The following ADAMTSL3 variants were observed in gnomAD, a reference collection of about 807,000 sequenced individuals.
The protein encoded by ADAMTSL3 is ADAMTS-like protein 3.
In ADAMTSL3, 128 loss-of-function variants were observed where a neutral mutation model predicts 201.7. The observed-to-expected ratio is 0.63, with a 90% CI of 0.55 to 0.73. The LOEUF is 0.73. ADAMTSL3 is among the 30% of genes least tolerant of loss of function. ADAMTSL3 has a pLI of 0.00. For missense variants in ADAMTSL3, 1,990 were observed against 2,119.6 expected, an observed-to-expected ratio of 0.94 and a Z score of 1.20; for synonymous variants, 738 against 748.4, an observed-to-expected ratio of 0.99 and a Z score of 0.23.
At chr15:83,963,764 C>T (rs2067023064) in intron 19 of ADAMTSL3, among the ~76,000 whole-genome samples, 1 of 152,196 alleles carries the variant, frequency 6.6e-6, no homozygotes. Flanking sequence ...AGAGTTCTGG[C>T]TGGCATCTGG....
intron 20 of ADAMTSL3, among the ~76,000 whole-genome samples, chr15:83,975,649 G>A (rs1352700604): frequency 6.6e-6 from 1 of 152,194 alleles, no homozygotes; most frequent in Non-Finnish European, 1.5e-5. Context: ...GAACTCTTGA[G>A]CAGACTTCTG....
intron 19 of ADAMTSL3, among the ~76,000 whole-genome samples, chr15:83,954,895 T>A (rs554628425): frequency 6.6e-6 from 1 of 152,244 alleles, no homozygotes; most frequent in South Asian, 2.1e-4. Flanking sequence ...GGGATTGGGG[T>A]GATGCAAGCA....
rs1004237475 is a variant in ADAMTSL3 at position 83,773,563 on chromosome 15, A to G, written c.230A>G (p.Asn77Ser). 4 of 1,613,990 alleles carry G rather than the reference A, an allele frequency of 2.5e-6. No individual in the cohort carries two copies. Among genetic ancestry groups the G allele is most frequent in the Admixed American group, 1.7e-5 (1 of 60,004 alleles). ...CGTTCAGATGAAGACAAAGATGGCA[A>G]CTGGGATGCTTGGGGCGACTGGAGT... The part of the protein sequence containing the change: ...NTRSDEDKDG[N>S]WDAWGDWSDC... Residue 77 changes from asparagine (N) to serine (S), a missense_variant, in exon 4 of 30, where the codon AAC becomes AGC. By Grantham distance (46) the Asn-to-Ser change is conservative (BLOSUM62 1). Coordinates refer to ENST00000286744, the MANE Select transcript of ADAMTSL3 (RefSeq NM_207517.3).
chr15:83,888,567 A>T (rs1750008795), intron 10 of ADAMTSL3, among the ~76,000 whole-genome samples: 1 of 152,212 alleles, frequency 6.6e-6, no homozygotes, highest in African/African-American at 2.4e-5. Context: ...TTTTTTGGAT[A>T]ATCAAGAAAA....
intron 4 of ADAMTSL3, among the ~76,000 whole-genome samples, chr15:83,779,983 G>A (rs1188072272): frequency 6.6e-6 from 1 of 152,148 alleles, no homozygotes; most frequent in Non-Finnish European, 1.5e-5. Context: ...AAGTTAGAAA[G>A]ATCTCAATTT....
intron 8 of ADAMTSL3, among the ~76,000 whole-genome samples, chr15:83,869,720 C>T (rs976491079): frequency 1.3e-5 from 2 of 152,254 alleles, no homozygotes; most frequent in East Asian, 3.9e-4. Context: ...TGACACTCAA[C>T]GGAGTTTTGG....
In ADAMTSL3 at chr15:83,870,879, A is replaced by G; in HGVS notation, c.880A>G (p.Thr294Ala). Residue 294 changes from threonine (T) to alanine (A), a missense_variant, in exon 9 of 30, where the codon ACA becomes GCA. Coordinates refer to ENST00000286744, the MANE Select transcript of ADAMTSL3 (RefSeq NM_207517.3). ...NSPGVFLVEN[T>A]TVEFQRGSER... ...CCCCGGCGTCTTTCTCGTAGAAAAC[A>G]CAACAGTGGAATTTCAGAGGGGCTC... 2 of 1,613,526 alleles carry G rather than the reference A, an allele frequency of 1.2e-6. No homozygotes were observed. Among genetic ancestry groups the G allele is most frequent in the Non-Finnish European group, 1.7e-6 (2 of 1,179,764 alleles).
chr15:83,879,023 A>C (rs1039785221), intron 9 of ADAMTSL3, among the ~76,000 whole-genome samples: 39 of 152,252 alleles, frequency 2.6e-4, no homozygotes, highest in African/African-American at 7.5e-4. Flanking sequence ...GTCTATTTCA[A>C]CTAACTTTTA....
At chr15:83,842,816 G>T (rs1428272700) in intron 7 of ADAMTSL3, among the ~76,000 whole-genome samples, 2 of 152,224 alleles carry the variant, frequency 1.3e-5, no homozygotes, top group African/African-American at 4.8e-5. Flanking sequence ...AAGGGAGAAA[G>T]ACAATAGCCA....
chr15:83,709,362 T>C (rs955747300), intron 3 of ADAMTSL3, among the ~76,000 whole-genome samples: 1 of 152,168 alleles, frequency 6.6e-6, no homozygotes, highest in African/African-American at 2.4e-5. Flanking sequence ...CTAGAATGTA[T>C]TAGTTTGGGA....
chr15:83,952,022 T>C (rs2066768059), intron 19 of ADAMTSL3, among the ~76,000 whole-genome samples: 1 of 152,160 alleles, frequency 6.6e-6, no homozygotes, highest in Non-Finnish European at 1.5e-5. Flanking sequence ...TTGCTCTTGA[T>C]TTTCTAGCTA....
At chr15:83,892,422 A>G (rs1322523781) in intron 12 of ADAMTSL3, among the ~76,000 whole-genome samples, 1 of 141,920 alleles carries the variant, frequency 7.0e-6, no homozygotes. Context: ...CCCAGCTACT[A>G]GGGAGGCTGA....
chr15:83,847,575 A>C (rs1199319630), intron 7 of ADAMTSL3, among the ~76,000 whole-genome samples: 1 of 149,802 alleles, frequency 6.7e-6, no homozygotes, highest in Non-Finnish European at 1.5e-5. Context: ...AGTTCACTGC[A>C]GCCTCTACCT....
intron 3 of ADAMTSL3, among the ~76,000 whole-genome samples, chr15:83,739,539 G>C (rs1439810230): frequency 2.6e-5 from 4 of 151,422 alleles, no homozygotes; most frequent in Non-Finnish European, 5.9e-5. Context: ...TTCATGTTTA[G>C]AATTGGGTGC....
intron 13 of ADAMTSL3, among the ~76,000 whole-genome samples, chr15:83,897,016 C>T (rs1006624004): frequency 5.9e-5 from 9 of 152,152 alleles, no homozygotes; most frequent in Non-Finnish European, 1.0e-4. Context: ...GGGAAAACTG[C>T]CCCCATGATC....
chr15:83,904,570 G>C (rs2065798399), intron 15 of ADAMTSL3, among the ~76,000 whole-genome samples: 1 of 152,070 alleles, frequency 6.6e-6, no homozygotes, highest in South Asian at 2.1e-4. Flanking sequence ...AGGCTTTTTT[G>C]CTTTTTTTAA....
At chr15:83,856,343 T>C (rs1185155186) in intron 7 of ADAMTSL3, among the ~76,000 whole-genome samples, 1 of 151,450 alleles carries the variant, frequency 6.6e-6, no homozygotes, top group Non-Finnish European at 1.5e-5. Flanking sequence ...TAAAAAAAAA[T>C]TATAAAATTT....
At chr15:83,933,189 A>G (rs2066393860) in intron 17 of ADAMTSL3, among the ~76,000 whole-genome samples, 1 of 152,226 alleles carries the variant, frequency 6.6e-6, no homozygotes, top group Non-Finnish European at 1.5e-5. Context: ...TGAAAAAATT[A>G]CCCAGAATAA....
chr15:83,714,797 C>CTTTCTTTCTTTCTTTT (rs2061983916), intron 3 of ADAMTSL3, among the ~76,000 whole-genome samples: 2 of 50,248 alleles, frequency 4.0e-5, no homozygotes, highest in African/African-American at 5.8e-5. Context: ...TTCTTTCTCT[C>CTTTCTTTCTTTCTTTT]TCTTTCTTTC....
Sources: allele counts gnomAD v4.1 joint callset (sites outside exome capture counted in the v4.1 genomes callset), GRCh38; gene constraint gnomAD v4.1.1; transcripts MANE v1.5; gene names NCBI Gene and HGNC (gene_info 2026-07-23, HGNC 2026-07-21).